Variants in DYSF observed in about 807,000 individuals in gnomAD.
DYSF encodes dystrophy-associated fer-1-like 1.
In DYSF, 212 loss-of-function variants were observed where a neutral mutation model predicts 274.9. That is an observed-to-expected ratio of 0.77 (90% CI 0.69 to 0.86). The LOEUF is 0.86. Among genes scored for constraint, DYSF ranks in the 40% least tolerant of loss-of-function variants. The pLI, the probability that DYSF is intolerant of heterozygous loss-of-function variation, is 0.00. For missense variants in DYSF, 2,666 were observed against 2,783.2 expected (o/e 0.96, Z 0.95); for synonymous variants, 1,091 against 1,078.7 (o/e 1.01, Z -0.22).
intron 31 of DYSF, 65 bp downstream of exon 31, chr2:71,589,751 T>C: frequency 6.9e-7 from 1 of 1,458,214 alleles, no homozygotes; most frequent in Non-Finnish European, 9.6e-7. Context: ...TCTGTTTGGA[T>C]GGAGTTATAC....
rs1448324365 is a variant in DYSF, at chr2:71,668,806, G to C, written c.5510G>C (p.Gly1837Ala). 7.4e-6 allele frequency: 12 copies of C among 1,613,820 alleles called. No individual in the cohort carries two copies. Among genetic ancestry groups the C allele is most frequent in the Non-Finnish European group, 1.0e-5 (12 of 1,180,004 alleles). ...TTTCCGAAGGCCCTGGGGCGGCCTG[G>C]ACCTCCCTTCAACATCACCCCACGG... ...DLFPKALGRP[G>A]PPFNITPRRA... Residue 1837 changes from glycine (G) to alanine (A), a missense_variant, in exon 49 of 56, where the codon GGA becomes GCA. Gly to Ala is a moderately conservative substitution (Grantham distance 60). Coordinates refer to ENST00000410020, the MANE Select transcript of DYSF (RefSeq NM_001130987.2).
chr2:71,549,360 A>T, intron 17 of DYSF: 1 of 1,612,756 alleles, frequency 6.2e-7, no homozygotes, highest in African/African-American at 1.3e-5. Flanking sequence ...AGGAGCCTGC[A>T]GGTGCTGTCA....
chr2:71,489,995 A>C (rs1223618211), intron 3 of DYSF, among the ~76,000 whole-genome samples: 1 of 152,200 alleles, frequency 6.6e-6, no homozygotes, highest in Non-Finnish European at 1.5e-5. Context: ...AGTGCTTGGA[A>C]TACTGAAGGT....
chr2:71,555,001 A>G (rs888404629), intron 21 of DYSF, among the ~76,000 whole-genome samples: 3 of 152,116 alleles, frequency 2.0e-5, no homozygotes, highest in Non-Finnish European at 4.4e-5. Context: ...GCATGCTCAG[A>G]TCAGCAGGTG....
intron 13 of DYSF, 75 bp downstream of exon 13, chr2:71,526,421 C>CTGGGGTGGGGGGGGGGGGGTTGGGG: frequency 3.7e-6 from 1 of 272,072 alleles, no homozygotes; most frequent in Admixed American, 4.8e-5. Flanking sequence ...TGGGCGATGG[C>CTGGGGTGGGGGGGGGGGGGTTGGGG]GGGCGGGGTC....
intron 1 of DYSF, among the ~76,000 whole-genome samples, chr2:71,458,445 G>A (rs1055411447): frequency 3.9e-5 from 6 of 152,152 alleles, no homozygotes; most frequent in African/African-American, 7.2e-5. Flanking sequence ...GTGGGTGGCC[G>A]TCTGTCTGCC....
chr2:71,467,496 G>T (rs1399762988), intron 1 of DYSF, among the ~76,000 whole-genome samples: 1 of 152,156 alleles, frequency 6.6e-6, no homozygotes, highest in African/African-American at 2.4e-5. Flanking sequence ...CTAAATTCAA[G>T]AAGCTAAGTC....
chr2:71,569,716 T>G (rs2152813696), intron 26 of DYSF, 104 bp from the exon 27 acceptor site: 35 of 917,758 alleles, frequency 3.8e-5, no homozygotes, highest in Non-Finnish European at 5.7e-5. Context: ...TCATTGTTGG[T>G]TGGGGTGAGG....
intron 41 of DYSF, among the ~76,000 whole-genome samples, chr2:71,643,633 T>C (rs1414684555): frequency 6.6e-6 from 1 of 152,212 alleles, no homozygotes; most frequent in East Asian, 1.9e-4. Flanking sequence ...GTTGTGTCCC[T>C]GGGATGCAGG....
In DYSF at chr2:71,466,786, C is replaced by G. The variant is rs983378806; in HGVS notation, c.-57C>G. 4.8e-6 allele frequency: 7 copies of G among 1,451,230 alleles called. No individual in the cohort carries two copies. The East Asian group carries it at 1.1e-4, about 22-fold the overall frequency. 89.9% of individuals were successfully genotyped at this position (1,451,230 alleles called of 1,614,324 possible). A position where few individuals can be genotyped will look rare whatever the true frequency, so the allele number is the denominator to read the frequency against. On this transcript the variant is annotated 5_prime_UTR_variant, in exon 1 of 56. Transcript: ENST00000410020. ...CGCTTGCTGGGTGGGTGCTCGGGCC[C>G]GGTGCTCCCGCTCCCGCCCTGACTG...
intron 3 of DYSF, among the ~76,000 whole-genome samples, chr2:71,487,587 C>T (rs34863601): frequency 0.063 from 9,625 of 152,276 alleles, 481 homozygotes; most frequent in East Asian, 0.22. Context: ...CGGCTCACTG[C>T]AACCTCTGCC....
chr2:71,500,231 C>T (rs1573543559), intron 3 of DYSF, among the ~76,000 whole-genome samples: 1 of 152,120 alleles, frequency 6.6e-6, no homozygotes, highest in African/African-American at 2.4e-5. Flanking sequence ...TCCCAGGGGT[C>T]CCTCTTCTGC....
chr2:71,513,635 G>GC, intron 6 of DYSF, 81 bp from the exon 7 acceptor site: 1 of 1,446,600 alleles, frequency 6.9e-7, no homozygotes, highest in Non-Finnish European at 9.6e-7. Flanking sequence ...TGGATCTTCT[G>GC]CCCCCTGGGC....
At chr2:71,659,841 C>A (rs1468855129) in intron 44 of DYSF, among the ~76,000 whole-genome samples, 1 of 152,188 alleles carries the variant, frequency 6.6e-6, no homozygotes, top group Non-Finnish European at 1.5e-5. Flanking sequence ...AGGGGTGGGG[C>A]CTGATTTGCC....
intron 43 of DYSF, among the ~76,000 whole-genome samples, chr2:71,657,111 A>G (rs2094789672): frequency 6.6e-6 from 1 of 152,208 alleles, no homozygotes; most frequent in Admixed American, 6.5e-5. Flanking sequence ...CCTAGATACA[A>G]TGGGGGTGCA....
In DYSF at chr2:71,612,705, T is replaced by TA; in HGVS notation, c.4286_4287insA (p.Phe1429LeufsTer21). 1 of 1,614,190 alleles carries TA rather than the reference T, an allele frequency of 6.2e-7. No homozygotes were observed. The highest frequency in any genetic ancestry group is 8.5e-7 in the Non-Finnish European group (1 of 1,180,024). On this transcript the variant is annotated frameshift_variant, in exon 39 of 56. Transcript: ENST00000410020. LOFTEE classifies it high-confidence loss of function. ...GTCAAGGTCATCGATAACCGCCAGT[T>TA]TGGCCGCCGGCCTGTGGTGGGCCAG...
At chr2:71,682,169 A>G (rs2095304966) in intron 54 of DYSF, among the ~76,000 whole-genome samples, 1 of 151,942 alleles carries the variant, frequency 6.6e-6, no homozygotes, top group South Asian at 2.1e-4. Flanking sequence ...GCTGGAGAGC[A>G]CTTTGAAGCA....
chr2:71,623,445 G>A (rs561510207), intron 41 of DYSF, among the ~76,000 whole-genome samples: 4 of 151,420 alleles, frequency 2.6e-5, no homozygotes, highest in African/African-American at 7.3e-5. Flanking sequence ...TTGTTCTTGC[G>A]ATAGTTTACT....
At chr2:71,639,081 TG>T (rs2094449836) in intron 41 of DYSF, among the ~76,000 whole-genome samples, 1 of 152,254 alleles carries the variant, frequency 6.6e-6, no homozygotes, top group Admixed American at 6.5e-5. Flanking sequence ...TGATGTCTAA[TG>T]ATGTGGAGCA....
Sources: allele counts gnomAD v4.1 joint callset (sites outside exome capture counted in the v4.1 genomes callset), GRCh38; gene constraint gnomAD v4.1.1; transcripts MANE v1.5; gene names NCBI Gene and HGNC (gene_info 2026-07-23, HGNC 2026-07-21).